The following TESC variants were observed in gnomAD, a reference collection of about 807,000 sequenced individuals.
TESC encodes the protein tescalcin, also known as calcineurin B homologous protein 3.
A neutral mutation model predicts 31.0 loss-of-function variants in TESC; 19 were observed. The ratio of observed to expected loss-of-function variants is 0.61; its 90% confidence interval spans 0.43 to 0.90. TESC has a LOEUF of 0.90. Among genes scored for constraint, TESC ranks in the 40% least tolerant of loss-of-function variants. The probability of loss-of-function intolerance (pLI) is 0.00; values close to 1 mark genes in which losing one functional copy is unlikely to be tolerated. For missense variants in TESC, 248 were observed against 303.8 expected, an observed-to-expected ratio of 0.82 and a Z score of 1.36; for synonymous variants, 109 against 114.8, an observed-to-expected ratio of 0.95 and a Z score of 0.32.
chr12:117,096,806 T>G (rs1402748919), intron 1 of TESC, among the ~76,000 whole-genome samples: 2 of 152,158 alleles, frequency 1.3e-5, no homozygotes, highest in Non-Finnish European at 2.9e-5. Flanking sequence ...CCTCATCTCA[T>G]GCATTCTTAT....
At position 117,048,888 on chromosome 12, in the gene TESC, GCCCCAAGCCCTCCAAGC is replaced by G. The variant is rs1954606082; in HGVS notation, c.349+114_349+130del. The G allele has an allele frequency of 2.8e-6, 4 of 1,417,280 alleles. No individual in the cohort carries two copies. In the South Asian group the frequency reaches 4.9e-5, roughly 17 times the overall value. 87.8% of individuals were successfully genotyped at this position (1,417,280 alleles called of 1,614,324 possible). The stretch of plus-strand genomic sequence containing the variant: ...AGCCTCACAGGGACGAGGGCTGGTG[GCCCCAAGCCCTCCAAGC>G]CCCCAAGCCAATGCACACCCAGCCT... On this transcript the variant is annotated intron_variant, in intron 4 of 7. Transcript: ENST00000335209.
intron 1 of TESC, among the ~76,000 whole-genome samples, chr12:117,085,200 C>T (rs1202981778): frequency 2.0e-5 from 3 of 152,088 alleles, no homozygotes; most frequent in Non-Finnish European, 4.4e-5. Flanking sequence ...CAGGGAGCCT[C>T]GGGCTCTTCA....
At chr12:117,089,920 G>C (rs2135802252) in intron 1 of TESC, among the ~76,000 whole-genome samples, 1 of 151,954 alleles carries the variant, frequency 6.6e-6, no homozygotes, top group African/African-American at 2.4e-5. Flanking sequence ...CCCAGACATA[G>C]CATGTACAAA....
rs1565971663 is a variant in TESC at position 117,075,915 on chromosome 12, G to GTATATATATA, written c.59-576_59-575insTATATATATA. Among the ~76,000 whole-genome samples the GTATATATATA allele has an allele frequency of 1.6e-3, 79 of 50,678 alleles. 1 individual carries two copies. Among genetic ancestry groups the GTATATATATA allele is most frequent in the African/African-American group, 8.0e-3 (76 of 9,466 alleles). 33.2% of individuals were successfully genotyped at this position (50,678 alleles called of 152,430 possible). On this transcript the variant is annotated intron_variant, in intron 1 of 7. Coordinates refer to ENST00000335209, the MANE Select transcript of TESC (RefSeq NM_017899.4). ...TATATATATATATATATATATATAT[G>GTATATATATA]TGTGTGTGTATATATATATATATAT...
chr12:117,095,232 G>A (rs930078903), intron 1 of TESC, among the ~76,000 whole-genome samples: 19 of 146,404 alleles, frequency 1.3e-4, no homozygotes, highest in African/African-American at 3.0e-4. Flanking sequence ...CTGCCACCGC[G>A]CACAGCTAAT....
intron 3 of TESC, among the ~76,000 whole-genome samples, chr12:117,053,019 C>CA (rs757023129): frequency 2.0e-5 from 3 of 152,224 alleles, no homozygotes; most frequent in Non-Finnish European, 4.4e-5. Flanking sequence ...CACACCAGCC[C>CA]AGACCTCACC....
At chr12:117,098,568 C>G (rs1955425661) in intron 1 of TESC, 1 of 152,392 alleles carries the variant, frequency 6.6e-6, no homozygotes. Flanking sequence ...TCCCCGCCTC[C>G]GGGCCGATGC....
At chr12:117,045,449 C>T (rs1236133925) in intron 6 of TESC, among the ~76,000 whole-genome samples, 1 of 152,244 alleles carries the variant, frequency 6.6e-6, no homozygotes, top group Admixed American at 6.5e-5. Flanking sequence ...GGGAATTTGG[C>T]CCGACAACCC....
At chr12:117,057,662 T>A (rs1204176841) in intron 2 of TESC, among the ~76,000 whole-genome samples, 1 of 152,208 alleles carries the variant, frequency 6.6e-6, no homozygotes, top group Non-Finnish European at 1.5e-5. Flanking sequence ...AAAACCTGTG[T>A]GTGAATTTCA....
intron 2 of TESC, among the ~76,000 whole-genome samples, chr12:117,072,918 CAT>C (rs1469637212): frequency 6.6e-6 from 1 of 152,206 alleles, no homozygotes; most frequent in African/African-American, 2.4e-5. Flanking sequence ...GCCAGAGCTA[CAT>C]GTGTGCATCA....
chr12:117,041,959 C>A lies in TESC; in HGVS notation c.555G>T (p.Glu185Asp). 6.3e-7 allele frequency: 1 copy of A among 1,592,136 alleles called. No individual in the cohort carries two copies. The highest frequency in any genetic ancestry group is 2.3e-5 in the East Asian group (1 of 43,704). ...CCAGGCCACCCACCTTCAGGAAGTC[C>A]TCGAAGGTGATCCCCTCGTACACCT... ...PDQVYEGITF[E>D]DFLKIWQGID... Residue 185 changes from glutamate to aspartate, a missense_variant, in exon 7 of 8, where the codon GAG (glutamate) becomes GAT (aspartate). Transcript: ENST00000335209.
chr12:117,062,883 C>T lies in TESC; in HGVS notation c.129-5997G>A, dbSNP rs143811400. On this transcript the variant is annotated intron_variant, in intron 2 of 7. Transcript: ENST00000335209. Reference sequence around the variant, plus strand: ...GCCTCACCTCAGAGCCCAGGGCTGACGGCAGGTCACTGCCCTCAGCCAGAG... The same window carrying T: ...GCCTCACCTCAGAGCCCAGGGCTGATGGCAGGTCACTGCCCTCAGCCAGAG... Among the ~76,000 whole-genome samples, 41 of 152,278 alleles carry T rather than the reference C, an allele frequency of 2.7e-4. 1 individual carries two copies. The highest frequency in any genetic ancestry group is 3.4e-3 in the Middle Eastern group (1 of 292).
intron 3 of TESC, among the ~76,000 whole-genome samples, chr12:117,051,566 A>G (rs1350881345): frequency 1.3e-5 from 2 of 152,232 alleles, no homozygotes; most frequent in African/African-American, 4.8e-5. Flanking sequence ...CCAAATTTAC[A>G]GAGCATAAAA....
At chr12:117,052,600 T>A (rs1034169435) in intron 3 of TESC, among the ~76,000 whole-genome samples, 1 of 152,158 alleles carries the variant, frequency 6.6e-6, no homozygotes, top group African/African-American at 2.4e-5. Flanking sequence ...CAGGGACCTA[T>A]AGGGGAGGCT....
intron 2 of TESC, among the ~76,000 whole-genome samples, chr12:117,062,463 C>T (rs1954812089): frequency 6.6e-6 from 1 of 152,320 alleles, no homozygotes; most frequent in South Asian, 2.1e-4. Flanking sequence ...CTCAGGTGAT[C>T]TGCCCTCCTC....
intron 3 of TESC, 98 bp downstream of exon 3, chr12:117,056,708 G>A: frequency 7.5e-7 from 1 of 1,341,264 alleles, no homozygotes; most frequent in Non-Finnish European, 1.1e-6. Context: ...CCTCTTCTGG[G>A]CATCAGCTCA....
At chr12:117,096,650 C>A (rs1288954285) in intron 1 of TESC, among the ~76,000 whole-genome samples, 2 of 152,158 alleles carry the variant, frequency 1.3e-5, no homozygotes, top group Admixed American at 6.5e-5. Context: ...TCCTTCCCAA[C>A]AACTTCAAGG....
chr12:117,072,970 G>T (rs1258399749), intron 2 of TESC, among the ~76,000 whole-genome samples: 2 of 152,194 alleles, frequency 1.3e-5, no homozygotes, highest in Admixed American at 1.3e-4. Flanking sequence ...TAGAGAAAGG[G>T]TCTTGCTATG....
At chr12:117,095,970 T>G (rs1284159829) in intron 1 of TESC, among the ~76,000 whole-genome samples, 1 of 148,768 alleles carries the variant, frequency 6.7e-6, no homozygotes, top group Non-Finnish European at 1.5e-5. Context: ...GCTGTGGGAC[T>G]GCAGGCAAGC....
Sources: gnomAD v4.1 joint callset for allele counts (sites outside exome capture counted in the v4.1 genomes callset) on GRCh38, gnomAD v4.1.1 for gene constraint, MANE v1.5 for transcripts, NCBI Gene and HGNC (gene_info 2026-07-23, HGNC 2026-07-21) for gene names.